YPEL2: variants seen among roughly 807,000 people sequenced by gnomAD.
YPEL2 encodes the protein yippee like 2, also known as protein yippee-like 2.
YPEL2 carries 2 observed loss-of-function variants against 19.1 expected under a neutral mutation model. The observed-to-expected ratio is 0.10, with a 90% CI of 0.04 to 0.33. YPEL2 has a LOEUF of 0.33. Ranked by LOEUF, YPEL2 falls within the 10% of genes least tolerant of loss-of-function variation. YPEL2 has a pLI of 1.00. For synonymous variants in YPEL2, 52 were observed against 50.0 expected (o/e 1.04, Z -0.17); for missense variants, 66 against 140.7 (o/e 0.47, Z 2.68).
At chr17:59,347,025 T>A (rs2047759776) in intron 1 of YPEL2, among the ~76,000 whole-genome samples, 1 of 152,174 alleles carries the variant, frequency 6.6e-6, no homozygotes, top group African/African-American at 2.4e-5. Flanking sequence ...AGATGGAGGA[T>A]AAGGTATAGA....
rs1376607254 is a variant in YPEL2 at position 59,353,697 on chromosome 17, C to T, written c.117+171C>T. 5 of 658,458 alleles carry T rather than the reference C, an allele frequency of 7.6e-6. No individual in the cohort carries two copies. Among genetic ancestry groups the T allele is most frequent in the African/African-American group, 1.8e-5 (1 of 55,542 alleles). The allele number at this position is 658,458 out of a possible 1,614,324, so 40.8% of individuals were successfully genotyped here. A position where few individuals can be genotyped will look rare whatever the true frequency, so the allele number is the denominator to read the frequency against. On this transcript the variant is annotated intron_variant, in intron 2 of 4. Coordinates refer to ENST00000312655, the MANE Select transcript of YPEL2 (RefSeq NM_001005404.4). This position sits in a 1 kb window ranked among gnomAD's most constrained non-coding sequence, Gnocchi z 4.8. ...TGAGAAAAACTCTGAGTTGGAGGGA[C>T]AGAGTAGTCATTTAATTTGTTATTT...
chr17:59,345,506 TTAG>T (rs1398330305), intron 1 of YPEL2, among the ~76,000 whole-genome samples: 1 of 152,136 alleles, frequency 6.6e-6, no homozygotes, highest in Non-Finnish European at 1.5e-5. Flanking sequence ...CGTCCTGAGA[TTAG>T]TAGAGTCAGT....
At chr17:59,384,227 A>T (rs1396671365) in intron 2 of YPEL2, among the ~76,000 whole-genome samples, 3 of 152,158 alleles carry the variant, frequency 2.0e-5, no homozygotes, top group Non-Finnish European at 4.4e-5. Flanking sequence ...GTATCTAAGA[A>T]CCTCTTCTAA....
rs1214152738 is a variant in YPEL2, at chr17:59,401,200, G to C, written c.*4010G>C. 1.3e-5 allele frequency: 2 copies of C among 151,894 alleles called. No individual in the cohort carries two copies. Among genetic ancestry groups the C allele is most frequent in the Non-Finnish European group, 2.9e-5 (2 of 68,028 alleles). The allele number at this position is 151,894 out of a possible 1,614,324, so 9.4% of individuals were successfully genotyped here. On this transcript the variant is annotated 3_prime_UTR_variant, in exon 5 of 5. Coordinates refer to ENST00000312655, the MANE Select transcript of YPEL2 (RefSeq NM_001005404.4). ...GGTCAGATTGCCTCAGGTTTAGAAA[G>C]AGGCTGAGAAATCAAATCTTGAACA... is the stretch of plus-strand genomic sequence containing the variant.
At chr17:59,373,223 G>A (rs2047905263) in intron 2 of YPEL2, among the ~76,000 whole-genome samples, 1 of 152,150 alleles carries the variant, frequency 6.6e-6, no homozygotes, top group Non-Finnish European at 1.5e-5. Flanking sequence ...TTCTCCTCGA[G>A]TTGTTATTCT....
At chr17:59,368,460 C>T (rs892396072) in intron 2 of YPEL2, among the ~76,000 whole-genome samples, 6 of 152,198 alleles carry the variant, frequency 3.9e-5, no homozygotes, top group African/African-American at 1.4e-4. Flanking sequence ...TAGTGAAACA[C>T]AGTCATTGTT....
chr17:59,379,603 C>T (rs923484267), intron 2 of YPEL2, among the ~76,000 whole-genome samples: 4 of 152,048 alleles, frequency 2.6e-5, no homozygotes, highest in Admixed American at 6.5e-5. Flanking sequence ...GCTGGGGGCA[C>T]GGGAGACAGG....
intron 4 of YPEL2, 138 bp from the exon 5 acceptor site, chr17:59,396,963 G>A (rs1184492750): frequency 2.8e-5 from 15 of 532,432 alleles, no homozygotes; most frequent in East Asian, 3.7e-5. Flanking sequence ...CCTGGGAGGC[G>A]GAGATTGCAG....
intron 2 of YPEL2, chr17:59,362,542 T>C (rs1296713971): frequency 6.6e-6 from 1 of 152,210 alleles, no homozygotes; most frequent in Admixed American, 6.5e-5. Flanking sequence ...TGTGATTCTT[T>C]CTGTGTGGTT....
intron 2 of YPEL2, among the ~76,000 whole-genome samples, chr17:59,384,494 T>C (rs2047970610): frequency 6.6e-6 from 1 of 152,138 alleles, no homozygotes; most frequent in South Asian, 2.1e-4. Context: ...GTATTCACAA[T>C]ACGCTGAAAG....
chr17:59,395,511 A>T (rs113657620), intron 4 of YPEL2, among the ~76,000 whole-genome samples: 3 of 152,314 alleles, frequency 2.0e-5, no homozygotes, highest in African/African-American at 7.2e-5. Flanking sequence ...CAAACAAAAG[A>T]GCCCTGTTTA....
At chr17:59,337,254 C>T (rs2047703967) in intron 1 of YPEL2, among the ~76,000 whole-genome samples, 1 of 146,210 alleles carries the variant, frequency 6.8e-6, no homozygotes, top group African/African-American at 2.6e-5. Flanking sequence ...GTGGTGCAAT[C>T]TCGGCTCACT....
intron 1 of YPEL2, among the ~76,000 whole-genome samples, chr17:59,346,994 A>G (rs1168044922): frequency 6.6e-6 from 1 of 152,212 alleles, no homozygotes; most frequent in Non-Finnish European, 1.5e-5. Context: ...GTAGACTCTT[A>G]AATGTCATTT....
chr17:59,398,567 C>T lies in YPEL2; in HGVS notation c.*1377C>T, dbSNP rs1162538837. 6.6e-6 allele frequency: 1 copy of T among 152,188 alleles called. No individual in the cohort carries two copies. The highest frequency in any genetic ancestry group is 6.5e-5 in the Admixed American group (1 of 15,280). The allele number at this position is 152,188 out of a possible 1,614,324, so 9.4% of individuals were successfully genotyped here. A position where few individuals can be genotyped will look rare whatever the true frequency, so the allele number is the denominator to read the frequency against. Reference sequence around the variant, plus strand: ...TCGATTAGGGAAGTGGAGAGCACATCCCTGTAAGGCCCATAAGAGAAAGAG... The same window carrying T: ...TCGATTAGGGAAGTGGAGAGCACATTCCTGTAAGGCCCATAAGAGAAAGAG... On this transcript the variant is annotated 3_prime_UTR_variant, in exon 5 of 5. Coordinates refer to ENST00000312655, the MANE Select transcript of YPEL2 (RefSeq NM_001005404.4).
At position 59,388,190 on chromosome 17, in the gene YPEL2, G is replaced by A. The variant is rs546347514; in HGVS notation, c.118-137G>A. The stretch of plus-strand genomic sequence containing the variant: ...CTCCGCCCCCACACCATCTGCCAGC[G>A]GGACCGTTAACTGGCTCAGTACTCC... On this transcript the variant is annotated intron_variant, in intron 2 of 4. Coordinates refer to ENST00000312655, the MANE Select transcript of YPEL2 (RefSeq NM_001005404.4). 5.2e-4 allele frequency: 426 copies of A among 821,260 alleles called. 5 individuals carry two copies. Among genetic ancestry groups the A allele is most frequent in the South Asian group, 4.7e-3 (326 of 69,078 alleles). The allele number at this position is 821,260 out of a possible 1,614,324, so 50.9% of individuals were successfully genotyped here.
chr17:59,333,465 G>A (rs2047682227), intron 1 of YPEL2, among the ~76,000 whole-genome samples: 1 of 152,214 alleles, frequency 6.6e-6, no homozygotes, highest in Non-Finnish European at 1.5e-5. Context: ...AACACCATGC[G>A]CGAGAAAACT....
chr17:59,389,013 G>A, intron 3 of YPEL2: 1 of 324,880 alleles, frequency 3.1e-6, no homozygotes, highest in Admixed American at 4.0e-5. Context: ...TCAGTAAGCT[G>A]TGAGGACCTG....
chr17:59,372,348 A>G (rs1168977113), intron 2 of YPEL2, among the ~76,000 whole-genome samples: 2 of 152,142 alleles, frequency 1.3e-5, no homozygotes, highest in African/African-American at 2.4e-5. Context: ...CCTTTCTGAA[A>G]TCTCCTCTGT....
At chr17:59,378,036 G>T (rs929578533) in intron 2 of YPEL2, among the ~76,000 whole-genome samples, 37 of 152,168 alleles carry the variant, frequency 2.4e-4, no homozygotes, top group African/African-American at 8.4e-4. Context: ...GGCTCGGAAG[G>T]ATGAAGTGAC....
Sources: gnomAD v4.1 joint callset for allele counts (sites outside exome capture counted in the v4.1 genomes callset) on GRCh38, gnomAD v4.1.1 for gene constraint, Gnocchi (gnomAD v3.1) non-coding constraint, MANE v1.5 for transcripts, NCBI Gene and HGNC (gene_info 2026-07-23, HGNC 2026-07-21) for gene names.